The following COL16A1 variants were observed in gnomAD, a reference collection of about 807,000 sequenced individuals.
COL16A1 encodes collagen type XVI alpha 1 chain, also known as collagen alpha-1(XVI) chain.
COL16A1 carries 189 observed loss-of-function variants against 266.3 expected under a neutral mutation model. The observed-to-expected ratio is 0.71, with a 90% confidence interval of 0.63 to 0.80. The LOEUF is 0.80. Among genes scored for constraint, COL16A1 ranks in the 30% least tolerant of loss-of-function variants. The pLI, the probability that COL16A1 is intolerant of heterozygous loss-of-function variation, is 0.00. For missense variants in COL16A1, 1,928 were observed against 2,122.4 expected, an observed-to-expected ratio of 0.91 and a Z score of 1.80; for synonymous variants, 740 against 782.3, an observed-to-expected ratio of 0.95 and a Z score of 0.90.
intron 54 of COL16A1, 55 bp downstream of exon 54, chr1:31,665,827 C>A (rs1471132734): frequency 4.3e-6 from 7 of 1,612,330 alleles, no homozygotes; most frequent in Non-Finnish European, 4.2e-6. Flanking sequence ...TGGTGATCAC[C>A]AGGGACCCAG....
chr1:31,675,064 C>T (rs1298175338), intron 43 of COL16A1, 25 bp from the exon 44 acceptor site: 1 of 1,613,064 alleles, frequency 6.2e-7, no homozygotes, highest in Non-Finnish European at 8.5e-7. Context: ...TGTGTGGGCT[C>T]AAGCAGGTGA....
At chr1:31,686,575 CA>C (rs1338675144) in intron 26 of COL16A1, among the ~76,000 whole-genome samples, 1 of 152,234 alleles carries the variant, frequency 6.6e-6, no homozygotes, top group African/African-American at 2.4e-5. Context: ...GACACCTTTA[CA>C]GGCGGAGCAC....
At chr1:31,684,746 A>C in intron 30 of COL16A1, 75 bp downstream of exon 30, 1 of 1,611,498 alleles carries the variant, frequency 6.2e-7, no homozygotes, top group Non-Finnish European at 8.5e-7. Context: ...GGGGCTAGGG[A>C]GGGAGGAAAA....
At chr1:31,702,004 C>T in intron 2 of COL16A1, 117 bp downstream of exon 2, 1 of 1,521,796 alleles carries the variant, frequency 6.6e-7, no homozygotes, top group South Asian at 1.2e-5. Context: ...AGCCCCTAGA[C>T]TCTGCTATAA....
At position 31,660,660 on chromosome 1, in the gene COL16A1, A is replaced by G. The variant is rs748853608; in HGVS notation, c.3826-22T>C. On this transcript the variant is annotated intron_variant, in intron 61 of 70. Coordinates refer to ENST00000373672, the MANE Select transcript of COL16A1 (RefSeq NM_001856.4). ...CACCCTGCAGGAGCCAGAAAAAGGA[A>G]AAAATGACACTGAAACTGACTTGCT... The G allele has an allele frequency of 3.7e-6, 6 of 1,613,944 alleles. No individual in the cohort carries two copies. The African/African-American group carries it at 8.0e-5, about 22-fold the overall frequency.
At position 31,692,516 on chromosome 1, in the gene COL16A1, T is replaced by C. The variant is rs751353690; in HGVS notation, c.1159-7A>G. 6.2e-7 allele frequency: 1 copy of C among 1,613,776 alleles called. No homozygotes were observed. The stretch of plus-strand genomic sequence containing the variant: ...CTGGGAGTCCTGAGGGTCCCTGAGA[T>C]GAGGAAGGGAGACAGAGGAAGGGAG... On this transcript the variant is annotated splice_polypyrimidine_tract_variant and splice_region_variant and intron_variant, in intron 15 of 70. Coordinates refer to ENST00000373672, the MANE Select transcript of COL16A1 (RefSeq NM_001856.4).
intron 44 of COL16A1, among the ~76,000 whole-genome samples, chr1:31,674,524 C>G (rs1219641045): frequency 6.6e-6 from 1 of 152,236 alleles, no homozygotes; most frequent in Non-Finnish European, 1.5e-5. Context: ...CCGAAGTCCC[C>G]TTTCTTAGAC....
intron 2 of COL16A1, 79 bp from the exon 3 acceptor site, chr1:31,700,194 G>T: frequency 7.4e-7 from 1 of 1,345,022 alleles, no homozygotes; most frequent in Admixed American, 1.7e-5. Context: ...GGGAACCTGG[G>T]AGGGAGCAAG....
intron 1 of COL16A1, 39 bp from the exon 2 acceptor site, chr1:31,702,266 T>A: frequency 1.9e-6 from 3 of 1,604,632 alleles, no homozygotes; most frequent in Non-Finnish European, 2.6e-6. Context: ...ATTTCTGAGT[T>A]CACACAGCAC....
At chr1:31,659,331 C>G (rs1641441472) in intron 62 of COL16A1, among the ~76,000 whole-genome samples, 1 of 152,140 alleles carries the variant, frequency 6.6e-6, no homozygotes, top group Admixed American at 6.5e-5. Context: ...AGTCTACTTC[C>G]TGCTGTTCTA....
chr1:31,655,428 G>A lies in COL16A1; in HGVS notation c.4176C>T (p.Gly1392=). Residue 1392 remains glycine, a synonymous_variant, in exon 67 of 71, where the codon GGC becomes GGT. Transcript: ENST00000373672. ...CAACAGGCCCCATGGAACCACTCTT[G>A]CCAGGTCCACCAGGCATGCCGGCTC... ...KGRAGMPGGP[G]KSGSMGPVGP... 6.2e-7 allele frequency: 1 copy of A among 1,614,126 alleles called. No homozygotes were observed. The highest frequency in any genetic ancestry group is 8.5e-7 in the Non-Finnish European group (1 of 1,180,018).
Position 31,653,000 on chromosome 1 carries a change from C to T in COL16A1, c.4613-147G>A, listed in dbSNP as rs1308237989. On this transcript the variant is annotated intron_variant, in intron 70 of 70. Transcript: ENST00000373672. This position sits in a 1 kb window ranked among gnomAD's most constrained non-coding sequence, Gnocchi z 4.8. ...TCATGAAGACCTAGTCTGATCCTCA[C>T]GTTGATTTAACAATAACAATACTGC... is the stretch of plus-strand genomic sequence containing the variant. The T allele has an allele frequency of 2.1e-5, 17 of 827,634 alleles. No individual in the cohort carries two copies. Among genetic ancestry groups the T allele is most frequent in the Non-Finnish European group, 2.8e-5 (17 of 597,762 alleles). 51.3% of individuals were successfully genotyped at this position (827,634 alleles called of 1,614,324 possible).
In COL16A1 at chr1:31,682,970, A is replaced by G. The variant is rs10737358; in HGVS notation, c.2502T>C (p.Pro834=). The change falls in exon 37 of 71, where the codon CCT becomes CCC. Residue 834 remains proline (P), a synonymous_variant. Transcript: ENST00000373672. ...GSPGVKGATG[P]VGPPGASVSG... ...AGACACTGGCCCCAGGAGGTCCCAC[A>G]GGTCCGGTGGCTCCTTTCACCCCTG... 1,613,824 of 1,614,042 alleles carry G rather than the reference A, an allele frequency of 1. 806,803 individuals are homozygous for G. Among genetic ancestry groups the G allele is most frequent in the Middle Eastern group, 1 (6,062 of 6,062 alleles).
Position 31,657,044 on chromosome 1 carries a change from C to G in COL16A1, c.4045G>C (p.Ala1349Pro). 1 of 1,614,164 alleles carries G rather than the reference C, an allele frequency of 6.2e-7. No individual in the cohort carries two copies. The highest frequency in any genetic ancestry group is 1.1e-5 in the South Asian group (1 of 91,080). Reference sequence around the variant, plus strand: ...CAGTACAACTGTACCTCTTTGCCAGCTGCACCATCCGTACCAGGTTCGCCC... The same window carrying G: ...CAGTACAACTGTACCTCTTTGCCAGGTGCACCATCCGTACCAGGTTCGCCC... ...PPGEPGTDGAAGKEGPPGKQG... is the reference protein window; with the variant it reads ...PPGEPGTDGAPGKEGPPGKQG... Residue 1349 changes from alanine to proline, a missense_variant, in exon 65 of 71, where the codon GCT becomes CCT. By Grantham distance (27) the Ala-to-Pro change is conservative. Around this residue, in one of 2 missense-constraint regions of COL16A1, gnomAD observed 376 missense variants for 485.2 expected, o/e 0.77. Transcript: ENST00000373672. The surrounding 1 kb of genome is among the most constrained non-coding windows in gnomAD (Gnocchi z 6.4).
chr1:31,691,894 C>T, intron 17 of COL16A1, 111 bp downstream of exon 17: 1 of 1,547,612 alleles, frequency 6.5e-7, no homozygotes, highest in South Asian at 1.1e-5. Context: ...GGCACAGCCC[C>T]TCCCCACCCT....
rs755999109 is a variant in COL16A1, at chr1:31,686,226, C to T, written c.1839+18G>A. 4.3e-6 allele frequency: 7 copies of T among 1,614,074 alleles called. No individual in the cohort carries two copies. The highest frequency in any genetic ancestry group is 5.9e-6 in the Non-Finnish European group (7 of 1,180,048). On this transcript the variant is annotated intron_variant, in intron 27 of 70. Transcript: ENST00000373672. ...ACCTTGTCCTCTCCCAAGCTGTTGC[C>T]ATCCAAAACATACTTACTGGACTGC...
rs1641883236 is a variant in COL16A1 at position 31,663,677 on chromosome 1, A to G, written c.3556-1019T>C. Among the ~76,000 whole-genome samples the G allele has an allele frequency of 6.6e-6, 1 of 152,166 alleles. No homozygotes were observed. The highest frequency in any genetic ancestry group is 1.5e-5 in the Non-Finnish European group (1 of 68,032). The stretch of plus-strand genomic sequence containing the variant: ...TCTTAGCCAGGGAATCTCCGCTTGT[A>G]TTTGTTTTATAGATTGAGGTTTTTA... On this transcript the variant is annotated intron_variant, in intron 56 of 70. Coordinates refer to ENST00000373672, the MANE Select transcript of COL16A1 (RefSeq NM_001856.4). The surrounding 1 kb of genome is among the most constrained non-coding windows in gnomAD (Gnocchi z 4.9).
intron 22 of COL16A1, 88 bp from the exon 23 acceptor site, chr1:31,689,939 C>T (rs1644181091): frequency 1.8e-6 from 2 of 1,131,812 alleles, no homozygotes; most frequent in African/African-American, 3.1e-5. Context: ...CAGCCCTAGA[C>T]ATTGGGTCCA....
chr1:31,692,557 TG>T (rs1644320226), intron 15 of COL16A1, 40 bp downstream of exon 15: 1 of 1,613,918 alleles, frequency 6.2e-7, no homozygotes, highest in African/African-American at 1.3e-5. Context: ...GGCTGGGCCC[TG>T]GACCCACCAT....
Sources: gnomAD v4.1 joint callset for allele counts (sites outside exome capture counted in the v4.1 genomes callset) on GRCh38, gnomAD v4.1.1 for gene constraint, gnomAD v4.1.1 regional missense constraint, Gnocchi (gnomAD v3.1) non-coding constraint, MANE v1.5 for transcripts, NCBI Gene and HGNC (gene_info 2026-07-23, HGNC 2026-07-21) for gene names.